Variants in PSD3 observed in about 807,000 individuals in gnomAD.
PSD3 encodes pleckstrin and Sec7 domain containing 3, also known as PH and SEC7 domain-containing protein 3.
In PSD3, 49 loss-of-function variants were observed where a neutral mutation model predicts 105.5. The ratio of observed to expected loss-of-function variants is 0.46; its 90% CI spans 0.37 to 0.59. The LOEUF is 0.59. PSD3 is among the 20% of genes least tolerant of loss of function. The pLI, the probability that PSD3 is intolerant of heterozygous loss-of-function variation, is 0.00. For synonymous variants in PSD3, 557 were observed against 457.8 expected, an observed-to-expected ratio of 1.22 and a Z score of -2.77; for missense variants, 1,561 against 1,263.8, an observed-to-expected ratio of 1.24 and a Z score of -3.57.
At chr8:18,765,920 A>T (rs1325905503) in intron 8 of PSD3, among the ~76,000 whole-genome samples, 2 of 150,882 alleles carry the variant, frequency 1.3e-5, no homozygotes, top group East Asian at 3.9e-4. Flanking sequence ...GCGAGCGGAG[A>T]TGGTGCCACT....
intron 9 of PSD3, among the ~76,000 whole-genome samples, chr8:18,711,742 A>G (rs1040081691): frequency 2.0e-5 from 3 of 152,200 alleles, no homozygotes; most frequent in Admixed American, 1.3e-4. Flanking sequence ...ATTAACAAAG[A>G]TACTCAGAAC....
intron 9 of PSD3, among the ~76,000 whole-genome samples, chr8:18,752,984 T>G (rs1052169434): frequency 6.6e-6 from 1 of 151,962 alleles, no homozygotes; most frequent in East Asian, 1.9e-4. Flanking sequence ...CTTTTACAAA[T>G]GGCAGTGGTT....
At chr8:18,856,774 A>G (rs1419010705) in intron 4 of PSD3, among the ~76,000 whole-genome samples, 1 of 152,174 alleles carries the variant, frequency 6.6e-6, no homozygotes. Context: ...TCTCAAGTCA[A>G]TTCGATTTTA....
At chr8:18,939,490 T>C (rs530617090) in intron 1 of PSD3, among the ~76,000 whole-genome samples, 2 of 152,148 alleles carry the variant, frequency 1.3e-5, no homozygotes, top group African/African-American at 4.8e-5. Flanking sequence ...CACCATTAAA[T>C]CTTGTTATCA....
intron 9 of PSD3, among the ~76,000 whole-genome samples, chr8:18,752,491 TA>T (rs1805581678): frequency 1.1e-4 from 2 of 18,014 alleles, no homozygotes; most frequent in South Asian, 1.8e-3. Context: ...ATTATATATA[TA>T]ATATATATAA....
intron 2 of PSD3, among the ~76,000 whole-genome samples, chr8:18,875,637 C>T (rs1210375160): frequency 3.9e-5 from 6 of 152,014 alleles, no homozygotes; most frequent in South Asian, 2.1e-4. Context: ...CCTGGATACA[C>T]GCCATTCTCC....
chr8:18,783,394 T>C (rs1808827724), intron 8 of PSD3, among the ~76,000 whole-genome samples: 1 of 152,190 alleles, frequency 6.6e-6, no homozygotes, highest in Non-Finnish European at 1.5e-5. Flanking sequence ...TGTTGATCTT[T>C]TCAAAAAACA....
chr8:18,599,346 C>T (rs1804265291), intron 12 of PSD3, among the ~76,000 whole-genome samples: 1 of 152,114 alleles, frequency 6.6e-6, no homozygotes, highest in Non-Finnish European at 1.5e-5. Context: ...GGAGTTTCTT[C>T]AAAAAACTGA....
At chr8:18,588,929 G>C (rs1383168951) in intron 12 of PSD3, among the ~76,000 whole-genome samples, 1 of 152,216 alleles carries the variant, frequency 6.6e-6, no homozygotes. Flanking sequence ...GAGATGGAGT[G>C]GGTGGAAATC....
chr8:18,654,479 A>C (rs780109940), intron 10 of PSD3, among the ~76,000 whole-genome samples: 22 of 152,206 alleles, frequency 1.4e-4, no homozygotes, highest in Non-Finnish European at 2.2e-4. Context: ...TTTTGACCTA[A>C]TTTCCTGGTA....
At chr8:18,542,912 G>C (rs1032589616) in intron 15 of PSD3, among the ~76,000 whole-genome samples, 1 of 152,112 alleles carries the variant, frequency 6.6e-6, no homozygotes, top group Non-Finnish European at 1.5e-5. Flanking sequence ...TCATTCTCAG[G>C]TCAATTCTAA....
intron 2 of PSD3, among the ~76,000 whole-genome samples, chr8:18,917,224 T>C (rs765569832): frequency 6.6e-6 from 1 of 152,212 alleles, no homozygotes; most frequent in Non-Finnish European, 1.5e-5. Context: ...GTCTTCATTA[T>C]GTGTCCCTCG....
chr8:18,684,210 A>G (rs1309679957), intron 9 of PSD3: 2 of 36,584 alleles, frequency 5.5e-5, no homozygotes, highest in Non-Finnish European at 1.8e-4. Context: ...TTTTCCACAC[A>G]CACACACACA....
chr8:19,067,797 G>A (rs1304305150), intron 1 of PSD3, among the ~76,000 whole-genome samples: 1 of 152,186 alleles, frequency 6.6e-6, no homozygotes, highest in Non-Finnish European at 1.5e-5. Flanking sequence ...CCAACTGGGT[G>A]ACTACTGGGC....
intron 14 of PSD3, among the ~76,000 whole-genome samples, chr8:18,570,841 A>C (rs1168318628): frequency 1.4e-5 from 1 of 69,536 alleles, no homozygotes; most frequent in Non-Finnish European, 2.8e-5. Flanking sequence ...TCCTGCTTAA[A>C]ACTATTATTA....
chr8:18,721,723 T>C (rs888457730), intron 9 of PSD3, among the ~76,000 whole-genome samples: 1 of 152,124 alleles, frequency 6.6e-6, no homozygotes, highest in African/African-American at 2.4e-5. Flanking sequence ...GAGGGAGGCA[T>C]TTGCTAGTGT....
At chr8:19,032,226 A>G (rs2129476262) in intron 1 of PSD3, among the ~76,000 whole-genome samples, 1 of 151,682 alleles carries the variant, frequency 6.6e-6, no homozygotes, top group Admixed American at 6.6e-5. Flanking sequence ...TTTATTTTTA[A>G]AAGTTCAACA....
At chr8:19,062,254 G>A (rs879298623) in intron 1 of PSD3, among the ~76,000 whole-genome samples, 7 of 152,234 alleles carry the variant, frequency 4.6e-5, no homozygotes, top group Admixed American at 1.3e-4. Flanking sequence ...CGGGGTCTCA[G>A]TTAATTTATG....
chr8:18,848,516 C>T (rs1815293247), intron 4 of PSD3, among the ~76,000 whole-genome samples: 1 of 152,160 alleles, frequency 6.6e-6, no homozygotes, highest in Non-Finnish European at 1.5e-5. Flanking sequence ...GCAGCCAAGC[C>T]AGGCATGCAA....
Sources: allele counts gnomAD v4.1 joint callset (sites outside exome capture counted in the v4.1 genomes callset), GRCh38; gene constraint gnomAD v4.1.1; transcripts MANE v1.5; gene names NCBI Gene and HGNC (gene_info 2026-07-23, HGNC 2026-07-21).